Variants in MAP4 observed in about 807,000 individuals in gnomAD.
MAP4 encodes microtubule-associated protein 4.
A neutral mutation model predicts 170.2 loss-of-function variants in MAP4; 76 were observed. That is an observed-to-expected ratio of 0.45 (90% CI 0.37 to 0.54). The LOEUF is 0.54. Ranked by LOEUF, MAP4 falls within the 20% of genes least tolerant of loss-of-function variation. MAP4 has a pLI of 0.00. For synonymous variants in MAP4, 909 were observed against 994.5 expected (o/e 0.91, Z 1.62); for missense variants, 2,506 against 2,748.0 (o/e 0.91, Z 1.97).
At chr3:48,015,296 C>T (rs1240908954) in intron 1 of MAP4, among the ~76,000 whole-genome samples, 3 of 142,460 alleles carry the variant, frequency 2.1e-5, no homozygotes, top group Admixed American at 1.5e-4. Flanking sequence ...GGGGCGGGGG[C>T]GGTTATGGAC....
chr3:48,019,245 G>T (rs116644309), upstream of MAP4, among the ~76,000 whole-genome samples: 644 of 152,154 alleles, frequency 4.2e-3, 5 homozygotes, highest in African/African-American at 0.014. Context: ...AGGAGGCTGA[G>T]GCAGTAGGAT....
At chr3:48,083,519 C>T (rs1268869413) in intron 1 of MAP4, among the ~76,000 whole-genome samples, 1 of 151,698 alleles carries the variant, frequency 6.6e-6, no homozygotes, top group African/African-American at 2.4e-5. Context: ...GCGCCCGCCA[C>T]CAGGCCCAGC....
intron 1 of MAP4, among the ~76,000 whole-genome samples, chr3:48,061,206 CT>C (rs2100135036): frequency 6.6e-6 from 1 of 151,624 alleles, no homozygotes; most frequent in African/African-American, 2.4e-5. Context: ...CCCCCTCTCC[CT>C]CTCCCTCTCT....
intron 2 of MAP4, among the ~76,000 whole-genome samples, chr3:47,993,938 T>A (rs1578964980): frequency 6.6e-6 from 1 of 152,344 alleles, no homozygotes; most frequent in East Asian, 1.9e-4. Context: ...ACCAGGACAA[T>A]GCTCCTGTTC....
intron 1 of MAP4, among the ~76,000 whole-genome samples, chr3:48,081,724 GTA>G (rs760188299): frequency 2.0e-5 from 3 of 151,388 alleles, no homozygotes; most frequent in South Asian, 2.1e-4. Context: ...GTGTGGGTCA[GTA>G]TATATATATA....
chr3:48,077,104 A>C (rs1168377230), intron 1 of MAP4, among the ~76,000 whole-genome samples: 1 of 151,938 alleles, frequency 6.6e-6, no homozygotes, highest in South Asian at 2.1e-4. Flanking sequence ...TCATGATCGC[A>C]TCACTGCACT....
rs80310766 is a variant in MAP4 at position 47,987,214 on chromosome 3, T to C, written c.224-9281A>G. Among the ~76,000 whole-genome samples, 115 of 152,378 alleles carry C rather than the reference T, an allele frequency of 7.5e-4. 1 individual carries two copies. In the East Asian group the frequency reaches 0.022, roughly 29 times the overall value. ...TCGCTAGTAAACTTTGATTATGCTGTGCCATCCTGCTTTCGCTAAATGTGT... is the reference window on the plus strand; with the variant it reads ...TCGCTAGTAAACTTTGATTATGCTGCGCCATCCTGCTTTCGCTAAATGTGT... On this transcript the variant is annotated intron_variant, in intron 2 of 20. Coordinates refer to ENST00000683076, the MANE Select transcript of MAP4 (RefSeq NM_001385682.1).
intron 17 of MAP4, among the ~76,000 whole-genome samples, chr3:47,866,348 A>G (rs1330052510): frequency 7.2e-6 from 1 of 139,140 alleles, no homozygotes; most frequent in Non-Finnish European, 1.6e-5. Flanking sequence ...AACAAAAACA[A>G]AACAAACAAA....
chr3:48,011,017 T>G (rs1366356804), intron 1 of MAP4, among the ~76,000 whole-genome samples: 1 of 152,140 alleles, frequency 6.6e-6, no homozygotes, highest in Non-Finnish European at 1.5e-5. Context: ...GTTCTGTCCC[T>G]CTAAGAGAAT....
chr3:47,867,525 G>T (rs745456771), intron 16 of MAP4, among the ~76,000 whole-genome samples, 187 bp from the exon 17 acceptor site: 14 of 147,666 alleles, frequency 9.5e-5, no homozygotes, highest in Non-Finnish European at 2.0e-4. Flanking sequence ...AGCAAGAAGG[G>T]GAGTGAAAAA....
At chr3:47,955,405 A>G (rs769611021) in intron 3 of MAP4, among the ~76,000 whole-genome samples, 1 of 150,430 alleles carries the variant, frequency 6.6e-6, no homozygotes, top group Non-Finnish European at 1.5e-5. Context: ...TGATCGCGTG[A>G]CATTCCAAAA....
chr3:48,020,149 G>C (rs1253117397), upstream of MAP4, among the ~76,000 whole-genome samples: 1 of 152,158 alleles, frequency 6.6e-6, no homozygotes, highest in Admixed American at 6.5e-5. Context: ...GCCTCCCAAA[G>C]TGTTGGGATT....
At chr3:47,939,669 C>T (rs1371402612) in intron 3 of MAP4, among the ~76,000 whole-genome samples, 1 of 149,974 alleles carries the variant, frequency 6.7e-6, no homozygotes, top group Non-Finnish European at 1.5e-5. Flanking sequence ...TCTGATTCTG[C>T]TTATATTTCT....
At chr3:48,009,154 G>T (rs918690983) in intron 1 of MAP4, among the ~76,000 whole-genome samples, 1 of 152,118 alleles carries the variant, frequency 6.6e-6, no homozygotes, top group Non-Finnish European at 1.5e-5. Context: ...AGGCTGGAGT[G>T]CAGTGGCACA....
intron 17 of MAP4, among the ~76,000 whole-genome samples, chr3:47,863,940 G>GGGGGGGGA (rs2074428188): frequency 2.7e-5 from 4 of 150,572 alleles, no homozygotes; most frequent in Non-Finnish European, 5.9e-5. Context: ...GTGTGTGTGG[G>GGGGGGGGA]GAGTGGTGGG....
intron 1 of MAP4, among the ~76,000 whole-genome samples, chr3:48,039,825 G>T (rs2100120712): frequency 6.6e-6 from 1 of 152,196 alleles, no homozygotes; most frequent in Non-Finnish European, 1.5e-5. Flanking sequence ...AGAGGATTCT[G>T]TCCTGCTAAC....
At chr3:48,035,582 C>T (rs970566717) in intron 1 of MAP4, among the ~76,000 whole-genome samples, 15 of 151,868 alleles carry the variant, frequency 9.9e-5, no homozygotes, top group Middle Eastern at 3.4e-3. Flanking sequence ...TGCAGTGAGT[C>T]GTGATGGCAC....
chr3:47,879,322 CTT>C (rs2096226278), intron 10 of MAP4, among the ~76,000 whole-genome samples: 2 of 151,558 alleles, frequency 1.3e-5, no homozygotes, highest in African/African-American at 2.4e-5. Flanking sequence ...TGCAAATACA[CTT>C]ATATATGCAT....
chr3:47,942,951 A>C (rs1189556666), intron 3 of MAP4, among the ~76,000 whole-genome samples: 2 of 152,122 alleles, frequency 1.3e-5, no homozygotes, highest in Non-Finnish European at 2.9e-5. Context: ...CCTCTACAAA[A>C]AAAATTTAAA....
Sources: gnomAD v4.1 joint callset for allele counts (sites outside exome capture counted in the v4.1 genomes callset) on GRCh38, gnomAD v4.1.1 for gene constraint, MANE v1.5 for transcripts, NCBI Gene and HGNC (gene_info 2026-07-23, HGNC 2026-07-21) for gene names.